Variants in UGT2B7 observed in about 807,000 individuals in gnomAD.
The protein encoded by UGT2B7 is UDP-glucuronosyltransferase 2B7.
UGT2B7 carries 51 observed loss-of-function variants against 51.9 expected under a neutral mutation model. The observed-to-expected ratio is 0.98, with a 90% CI of 0.78 to 1.24. The LOEUF is 1.24. UGT2B7 is among the 50% of genes most tolerant of loss of function. The pLI, the probability that UGT2B7 is intolerant of heterozygous loss-of-function variation, is 0.00. For synonymous variants in UGT2B7, 225 were observed against 211.6 expected, an observed-to-expected ratio of 1.06 and a Z score of -0.55; for missense variants, 727 against 628.4, an observed-to-expected ratio of 1.16 and a Z score of -1.68.
intron 1 of UGT2B7, among the ~76,000 whole-genome samples, chr4:69,085,561 T>G (rs1282812087): frequency 1.3e-5 from 2 of 152,166 alleles, no homozygotes; most frequent in African/African-American, 4.8e-5. Flanking sequence ...TGAATGGCAT[T>G]GCCTAGGTTT....
chr4:69,107,923 C>T (rs1008501089), intron 4 of UGT2B7, among the ~76,000 whole-genome samples, 180 bp from the exon 5 acceptor site: 3 of 152,172 alleles, frequency 2.0e-5, no homozygotes, highest in Non-Finnish European at 2.9e-5. Flanking sequence ...AAGTCACACA[C>T]ACCGTATAGC....
chr4:69,090,142 T>C (rs1390806234), intron 2 of UGT2B7, among the ~76,000 whole-genome samples: 1 of 152,196 alleles, frequency 6.6e-6, no homozygotes, highest in Non-Finnish European at 1.5e-5. Context: ...GATATTATAG[T>C]CTAGTAGTCA....
chr4:69,087,849 C>G (rs902043670), intron 1 of UGT2B7, among the ~76,000 whole-genome samples: 3 of 151,600 alleles, frequency 2.0e-5, no homozygotes, highest in Non-Finnish European at 4.4e-5. Flanking sequence ...TGGTATAAAC[C>G]TTTTCTTATA....
At chr4:69,064,104 A>AAGAGAGAGAG (rs1560499783) in intron 1 of UGT2B7, among the ~76,000 whole-genome samples, 62 of 110,606 alleles carry the variant, frequency 5.6e-4, no homozygotes, top group South Asian at 1.5e-3. Context: ...AAGAGAAAGA[A>AAGAGAGAGAG]AGAAAGAAAA....
In UGT2B7 at chr4:69,108,045, C is replaced by A. The variant is rs1210909273; in HGVS notation, c.1091-58C>A. The A allele has an allele frequency of 9.5e-6, 15 of 1,574,996 alleles. 1 individual carries two copies. Among genetic ancestry groups the A allele is most frequent in the African/African-American group, 9.5e-5 (7 of 73,812 alleles). On this transcript the variant is annotated intron_variant, in intron 4 of 5. Transcript: ENST00000305231. ...AAACACTGTCACTTTCAGAGCCTTT[C>A]ATTGTGCATCTCATTTTATTCCTAT...
intron 1 of UGT2B7, among the ~76,000 whole-genome samples, chr4:69,063,057 C>A (rs1235372436): frequency 6.6e-6 from 1 of 151,530 alleles, no homozygotes; most frequent in African/African-American, 2.4e-5. Flanking sequence ...TAATTGCTCA[C>A]GCCTGTAATC....
chr4:69,110,565 A>G (rs1305599328), intron 5 of UGT2B7, among the ~76,000 whole-genome samples: 2 of 152,136 alleles, frequency 1.3e-5, no homozygotes, highest in South Asian at 2.1e-4. Context: ...TCTGTGCTTT[A>G]TCAATCAACA....
In UGT2B7 at chr4:69,052,569, CAAA is replaced by C. The variant is rs1204317464; in HGVS notation, c.-159+988_-159+990del. Among the ~76,000 whole-genome samples, 507 of 64,710 alleles carry C rather than the reference CAAA, an allele frequency of 7.8e-3. 4 individuals are homozygous for C. Among genetic ancestry groups the C allele is most frequent in the South Asian group, 0.048 (75 of 1,560 alleles). The allele number at this position is 64,710 out of a possible 152,430, so 42.5% of individuals were successfully genotyped here. On this transcript the variant is annotated intron_variant, in intron 1 of 5. Coordinates refer to the UGT2B7 transcript ENST00000502942. ...TTAAAAAAAAAGAAATGGTTATCTT[CAAA>C]AAAAAAAAAAAAAAAAAAAAGAAGG...
At chr4:69,093,633 C>T (rs1294753758), upstream of UGT2B7, among the ~76,000 whole-genome samples, 4 of 152,204 alleles carry the variant, frequency 2.6e-5, no homozygotes, top group Non-Finnish European at 5.9e-5. Flanking sequence ...TGAGACTCCA[C>T]ATACCTTTGT....
intron 1 of UGT2B7, among the ~76,000 whole-genome samples, chr4:69,074,427 A>AATATATAT (rs143693621): frequency 0.049 from 5,659 of 115,990 alleles, 167 homozygotes; most frequent in East Asian, 0.074. Context: ...CCTTATCTTA[A>AATATATAT]ATATATATAT....
rs575490640 is a variant in UGT2B7 at position 69,098,298 on chromosome 4, C to T, written c.722-242C>T. Among the ~76,000 whole-genome samples, 13 of 151,888 alleles carry T rather than the reference C, an allele frequency of 8.6e-5. No homozygotes were observed. In the East Asian group the frequency reaches 9.6e-4, roughly 11 times the overall value. On this transcript the variant is annotated intron_variant, in intron 1 of 5. Coordinates refer to ENST00000305231, the MANE Select transcript of UGT2B7 (RefSeq NM_001074.4). The stretch of plus-strand genomic sequence containing the variant: ...GTTTATGATTATGAGCATACTGATG[C>T]GACATTAGAGATGTAGCTTAACCTC...
intron 1 of UGT2B7, among the ~76,000 whole-genome samples, chr4:69,076,505 G>A (rs1489996677): frequency 6.6e-6 from 1 of 152,142 alleles, no homozygotes; most frequent in Non-Finnish European, 1.5e-5. Context: ...TTTCATTGTG[G>A]TTTTAATTTG....
intron 1 of UGT2B7, among the ~76,000 whole-genome samples, chr4:69,086,184 G>A (rs1229278009): frequency 6.6e-6 from 1 of 151,424 alleles, no homozygotes; most frequent in African/African-American, 2.4e-5. Context: ...TCTAGGTTTT[G>A]TTATATTGTC....
At chr4:69,053,976 T>C (rs1235505541) in intron 1 of UGT2B7, among the ~76,000 whole-genome samples, 1 of 152,182 alleles carries the variant, frequency 6.6e-6, no homozygotes, top group Non-Finnish European at 1.5e-5. Context: ...CCAACTCTCA[T>C]ATCTATTTAG....
upstream of UGT2B7, among the ~76,000 whole-genome samples, chr4:69,092,705 G>C (rs376938553): frequency 2.0e-5 from 3 of 151,974 alleles, no homozygotes; most frequent in Admixed American, 2.0e-4. Context: ...CATTAGATAA[G>C]TGTCTTTTAT....
chr4:69,060,301 AG>A (rs1718314875), intron 1 of UGT2B7, among the ~76,000 whole-genome samples: 3 of 152,246 alleles, frequency 2.0e-5, no homozygotes, highest in Admixed American at 2.0e-4. Flanking sequence ...GGTAGTGAAC[AG>A]AAGCAGACCA....
chr4:69,065,864 T>A (rs575331740), intron 1 of UGT2B7, among the ~76,000 whole-genome samples: 4 of 150,598 alleles, frequency 2.7e-5, no homozygotes, highest in Non-Finnish European at 5.9e-5. Context: ...TTTTTTAATC[T>A]TCTTTATACT....
chr4:69,086,635 T>A (rs1718967047), intron 1 of UGT2B7, among the ~76,000 whole-genome samples: 1 of 151,950 alleles, frequency 6.6e-6, no homozygotes, highest in East Asian at 1.9e-4. Context: ...CTATAAATTT[T>A]GCTTTATATA....
At chr4:69,092,486 G>T (rs1423861769), upstream of UGT2B7, among the ~76,000 whole-genome samples, 1 of 152,110 alleles carries the variant, frequency 6.6e-6, no homozygotes, top group Non-Finnish European at 1.5e-5. Context: ...CACTTAGGAT[G>T]CAACAGGGAG....
Sources: gnomAD v4.1 joint callset for allele counts (sites outside exome capture counted in the v4.1 genomes callset) on GRCh38, gnomAD v4.1.1 for gene constraint, MANE v1.5 for transcripts, NCBI Gene and HGNC (gene_info 2026-07-23, HGNC 2026-07-21) for gene names.